UBAP2: variants seen among roughly 807,000 people sequenced by gnomAD.
UBAP2 encodes ubiquitin associated protein 2.
A neutral mutation model predicts 139.6 loss-of-function variants in UBAP2; 75 were observed. The observed-to-expected ratio is 0.54, with a 90% confidence interval of 0.45 to 0.65. The LOEUF (loss-of-function observed/expected upper bound fraction) is 0.65, where lower values mean the gene tolerates loss of function less well. UBAP2 is among the 30% of genes least tolerant of loss of function. The pLI, the probability that UBAP2 is intolerant of heterozygous loss-of-function variation, is 0.00. For synonymous variants in UBAP2, 526 were observed against 526.2 expected (o/e 1.00, Z 0.01); for missense variants, 1,368 against 1,369.6 (o/e 1.00, Z 0.02).
At chr9:34,019,447 T>C (rs1050297022) in intron 1 of UBAP2, among the ~76,000 whole-genome samples, 2 of 152,032 alleles carry the variant, frequency 1.3e-5, no homozygotes, top group African/African-American at 4.8e-5. Context: ...ACTCTACTTA[T>C]ACAAGTTACT....
At chr9:34,021,538 G>C (rs1234193520) in intron 1 of UBAP2, among the ~76,000 whole-genome samples, 1 of 151,870 alleles carries the variant, frequency 6.6e-6, no homozygotes, top group Non-Finnish European at 1.5e-5. Flanking sequence ...CATTCTCTCA[G>C]ATATGAATAA....
At chr9:33,982,661 C>T (rs1219312839) in intron 6 of UBAP2, among the ~76,000 whole-genome samples, 1 of 152,114 alleles carries the variant, frequency 6.6e-6, no homozygotes, top group African/African-American at 2.4e-5. Context: ...AATAAAACAC[C>T]ATACCCCCTG....
chr9:34,013,288 G>A (rs546254161), intron 2 of UBAP2, among the ~76,000 whole-genome samples: 2 of 151,862 alleles, frequency 1.3e-5, no homozygotes, highest in African/African-American at 2.4e-5. Context: ...AGTGGCTCAC[G>A]CCTGTAATCC....
intron 2 of UBAP2, among the ~76,000 whole-genome samples, chr9:34,015,764 T>C (rs922281763): frequency 2.0e-5 from 3 of 152,096 alleles, no homozygotes; most frequent in Admixed American, 1.3e-4. Flanking sequence ...AGTAGCATCA[T>C]CATAAGTGAT....
intron 2 of UBAP2, among the ~76,000 whole-genome samples, chr9:34,005,609 A>C (rs1413159431): frequency 6.6e-6 from 1 of 151,562 alleles, no homozygotes; most frequent in African/African-American, 2.4e-5. Flanking sequence ...ATGTCTCAAG[A>C]ATAACAGAGA....
At chr9:33,936,558 T>C (rs1394998447) in intron 16 of UBAP2, among the ~76,000 whole-genome samples, 4 of 152,052 alleles carry the variant, frequency 2.6e-5, no homozygotes, top group Non-Finnish European at 5.9e-5. Context: ...CCTCCCAAAA[T>C]GTTGGGATTA....
chr9:33,930,686 A>T (rs1253389452), intron 19 of UBAP2, among the ~76,000 whole-genome samples: 1 of 152,134 alleles, frequency 6.6e-6, no homozygotes, highest in Non-Finnish European at 1.5e-5. Context: ...TTACGAGGTC[A>T]GGAGTTTGAG....
intron 19 of UBAP2, 38 bp downstream of exon 19, chr9:33,932,524 A>C: frequency 6.2e-7 from 1 of 1,612,242 alleles, no homozygotes; most frequent in Non-Finnish European, 8.5e-7. Flanking sequence ...AGGCTCCCCA[A>C]GCATGGCGGA....
chr9:33,963,217 G>GA (rs1827204614), intron 9 of UBAP2, among the ~76,000 whole-genome samples: 1 of 152,130 alleles, frequency 6.6e-6, no homozygotes, highest in African/African-American at 2.4e-5. Context: ...AATTACAGGG[G>GA]AAACTCCCAT....
intron 8 of UBAP2, among the ~76,000 whole-genome samples, chr9:33,969,091 T>A: frequency 8.6e-6 from 1 of 116,752 alleles, no homozygotes; most frequent in South Asian, 2.4e-4. Flanking sequence ...ACATTTGAGG[T>A]TTTTTCCCCC....
intron 2 of UBAP2, among the ~76,000 whole-genome samples, chr9:34,000,411 G>A (rs1822601878): frequency 6.6e-6 from 1 of 152,096 alleles, no homozygotes. Context: ...TTCTTCTGTG[G>A]CGTGACTTTG....
At chr9:33,927,488 G>C (rs939726573) in intron 20 of UBAP2, among the ~76,000 whole-genome samples, 3 of 152,206 alleles carry the variant, frequency 2.0e-5, no homozygotes, top group African/African-American at 7.2e-5. Context: ...CCTACAGACA[G>C]CCTAGGTCTG....
Position 33,941,625 on chromosome 9 carries a change from G to GA in UBAP2, c.1929+23dup, listed in dbSNP as rs760824329. 5 of 1,599,870 alleles carry GA rather than the reference G, an allele frequency of 3.1e-6. No homozygotes were observed. In the Admixed American group the frequency reaches 6.7e-5, roughly 21 times the overall value. Reference sequence around the variant, plus strand: ...TCCAAATAAGACGGACATCTTCTGAGAAAAAAACTAAAATACCACTTACCA... The same window carrying GA: ...TCCAAATAAGACGGACATCTTCTGAGAAAAAAAACTAAAATACCACTTACCA... On this transcript the variant is annotated intron_variant, in intron 16 of 28. Transcript: ENST00000379238.
chr9:33,992,510 A>G (rs1266982733), intron 4 of UBAP2, among the ~76,000 whole-genome samples: 1 of 151,920 alleles, frequency 6.6e-6, no homozygotes, highest in Non-Finnish European at 1.5e-5. Flanking sequence ...CAGTGAGCTG[A>G]GATCATGCCA....
intron 4 of UBAP2, chr9:33,995,579 AATT>A (rs1264814938): frequency 7.3e-6 from 1 of 137,650 alleles, no homozygotes; most frequent in African/African-American, 2.7e-5. Flanking sequence ...TTTAAAATTA[AATT>A]ATTTAAAATT....
chr9:33,995,516 AATAT>A (rs1177399108), intron 4 of UBAP2: 2 of 117,406 alleles, frequency 1.7e-5, no homozygotes, highest in African/African-American at 3.0e-5. Flanking sequence ...TATATTATTA[AATAT>A]ATAAATATAT....
intron 6 of UBAP2, among the ~76,000 whole-genome samples, chr9:33,983,410 G>A (rs767875134): frequency 1.6e-4 from 24 of 152,156 alleles, no homozygotes; most frequent in Non-Finnish European, 2.8e-4. Flanking sequence ...GCATGTGAGA[G>A]ATCAAATACC....
At chr9:33,999,902 GTATGT>G (rs71957458) in intron 2 of UBAP2, among the ~76,000 whole-genome samples, 29,307 of 99,714 alleles carry the variant, frequency 0.29, 3,251 homozygotes, top group East Asian at 0.52. Context: ...ATGTATGTAT[GTATGT>G]TATTTTGAGA....
intron 8 of UBAP2, among the ~76,000 whole-genome samples, chr9:33,970,739 T>G (rs1827854061): frequency 6.6e-6 from 1 of 152,272 alleles, no homozygotes; most frequent in African/African-American, 2.4e-5. Context: ...CCTTGATAAT[T>G]TATTGAGCTA....
Sources: allele counts gnomAD v4.1 joint callset (sites outside exome capture counted in the v4.1 genomes callset), GRCh38; gene constraint gnomAD v4.1.1; transcripts MANE v1.5; gene names NCBI Gene and HGNC (gene_info 2026-07-23, HGNC 2026-07-21).